Variants in GRIP1 observed in about 807,000 individuals in gnomAD.
GRIP1 encodes the protein glutamate receptor-interacting protein 1.
In GRIP1, 45 loss-of-function variants were observed where a neutral mutation model predicts 129.9. The ratio of observed to expected loss-of-function variants is 0.35; its 90% CI spans 0.27 to 0.44. The LOEUF (loss-of-function observed/expected upper bound fraction) is 0.44. GRIP1 is among the 20% of genes least tolerant of loss of function. The pLI is 1.00. For missense variants in GRIP1, 1,196 were observed against 1,396.8 expected, an observed-to-expected ratio of 0.86 and a Z score of 2.29; for synonymous variants, 530 against 520.8, an observed-to-expected ratio of 1.02 and a Z score of -0.24.
upstream of GRIP1, chr12:66,679,242 C>A (rs1355710047): frequency 1.2e-5 from 9 of 781,234 alleles, no homozygotes; most frequent in Non-Finnish European, 1.8e-6. Context: ...ATAAATCTAA[C>A]GCTAAGCACT....
At chr12:66,977,199 AC>A (rs1355746077) in intron 1 of GRIP1, among the ~76,000 whole-genome samples, 5 of 145,370 alleles carry the variant, frequency 3.4e-5, no homozygotes, top group African/African-American at 5.4e-5. Context: ...ATTAGGTCAA[AC>A]TTTTTTTTTT....
intron 1 of GRIP1, among the ~76,000 whole-genome samples, chr12:66,831,106 G>A (rs1054510841): frequency 7.9e-5 from 12 of 151,848 alleles, no homozygotes; most frequent in South Asian, 2.1e-4. Context: ...CTCTCGCCTC[G>A]GCCTCCCAAA....
At chr12:66,853,155 G>A (rs993077448) in intron 1 of GRIP1, among the ~76,000 whole-genome samples, 1 of 151,456 alleles carries the variant, frequency 6.6e-6, no homozygotes. Context: ...TAATTCTCAA[G>A]CAGAAGAGGT....
At chr12:66,857,509 C>T (rs1368497007) in intron 1 of GRIP1, among the ~76,000 whole-genome samples, 1 of 150,008 alleles carries the variant, frequency 6.7e-6, no homozygotes, top group Non-Finnish European at 1.5e-5. Flanking sequence ...AAGCAGCTAT[C>T]TCTAGGGTGG....
At chr12:66,917,903 G>A (rs913253714) in intron 1 of GRIP1, among the ~76,000 whole-genome samples, 6 of 151,762 alleles carry the variant, frequency 4.0e-5, no homozygotes, top group Non-Finnish European at 8.8e-5. Flanking sequence ...GAGTCCTAGT[G>A]TATCAGAGTT....
chr12:66,812,982 G>A (rs1346384273), intron 1 of GRIP1, among the ~76,000 whole-genome samples: 1 of 152,166 alleles, frequency 6.6e-6, no homozygotes, highest in Non-Finnish European at 1.5e-5. Flanking sequence ...AGATAGAACA[G>A]TGCATATGAG....
At chr12:67,030,565 C>T (rs530660136) in intron 1 of GRIP1, among the ~76,000 whole-genome samples, 18 of 152,116 alleles carry the variant, frequency 1.2e-4, no homozygotes, top group Non-Finnish European at 2.6e-4. Context: ...TCATAAAAAT[C>T]TGTTCCACTA....
intron 1 of GRIP1, among the ~76,000 whole-genome samples, chr12:66,781,495 C>A (rs1267733308): frequency 1.3e-5 from 2 of 152,032 alleles, no homozygotes; most frequent in Admixed American, 1.3e-4. Context: ...AGTTCATATA[C>A]CAAAAAAATT....
chr12:66,473,383 G>A (rs541988290), intron 7 of GRIP1, among the ~76,000 whole-genome samples: 2 of 152,296 alleles, frequency 1.3e-5, no homozygotes, highest in East Asian at 3.9e-4. Flanking sequence ...TGGGGGAAGG[G>A]GCAGCTATGG....
chr12:66,853,195 T>C (rs2137085653), intron 1 of GRIP1, among the ~76,000 whole-genome samples: 1 of 151,736 alleles, frequency 6.6e-6, no homozygotes, highest in Non-Finnish European at 1.5e-5. Context: ...GAAACGGAGA[T>C]TTTAAATCCC....
chr12:66,612,467 TG>T (rs2064846536), intron 1 of GRIP1, among the ~76,000 whole-genome samples: 9 of 152,028 alleles, frequency 5.9e-5, no homozygotes, highest in African/African-American at 7.2e-5. Flanking sequence ...CAGACAAGCC[TG>T]GGTAACATAG....
Position 66,963,480 on chromosome 12 carries a change from A to G in GRIP1, c.58+105570T>C, listed in dbSNP as rs536171786. On this transcript the variant is annotated intron_variant, in intron 1 of 1. Transcript: ENST00000643019. ...GATTATAATTGGACCCATCTTAGAG[A>G]TGAAGAAAAAGAAGGAATAAGGAGG... is the stretch of plus-strand genomic sequence containing the variant. Among the ~76,000 whole-genome samples, 68 of 152,264 alleles carry G rather than the reference A, an allele frequency of 4.5e-4. 1 individual carries two copies. The South Asian group carries it at 0.014, about 31-fold the overall frequency.
In GRIP1 at chr12:66,482,267, T is replaced by C. The variant is rs187199974; in HGVS notation, c.725-16845A>G. On this transcript the variant is annotated intron_variant, in intron 7 of 24. Transcript: ENST00000359742. ...ACTACAACAATAACTGTCAAGGGAA[T>C]GGCAGTGTCAGTGAGACTTCTAGGC... Among the ~76,000 whole-genome samples the C allele has an allele frequency of 5.3e-5, 8 of 152,262 alleles. No homozygotes were observed. The East Asian group carries it at 1.5e-3, about 29-fold the overall frequency.
At chr12:66,882,006 T>G (rs181461273) in intron 1 of GRIP1, among the ~76,000 whole-genome samples, 3 of 152,132 alleles carry the variant, frequency 2.0e-5, no homozygotes, top group African/African-American at 7.2e-5. Context: ...ATTTCACTTT[T>G]TCCTATCCCC....
intron 1 of GRIP1, among the ~76,000 whole-genome samples, chr12:66,743,915 T>C (rs1388353999): frequency 5.3e-5 from 8 of 152,206 alleles, no homozygotes; most frequent in African/African-American, 1.7e-4. Flanking sequence ...GTAGCTTCTC[T>C]ACCTTCCACT....
At chr12:66,525,562 A>G (rs1592485993) in intron 5 of GRIP1, among the ~76,000 whole-genome samples, 2 of 151,686 alleles carry the variant, frequency 1.3e-5, no homozygotes, top group African/African-American at 4.8e-5. Flanking sequence ...TGACAAACCC[A>G]CAGCCAATAT....
chr12:67,002,609 T>A (rs1208297174), intron 1 of GRIP1, among the ~76,000 whole-genome samples: 1 of 152,212 alleles, frequency 6.6e-6, no homozygotes, highest in African/African-American at 2.4e-5. Context: ...TTCCCTTTCT[T>A]ACAACAGCCA....
At position 66,531,250 on chromosome 12, in the gene GRIP1, AAAATATATATATATATATATATATAT is replaced by A. The variant is rs1385646881; in HGVS notation, c.419-1362_419-1337del. ...GACTCTGTCTCAAAAAAAAAAAAAA[AAAATATATATATATATATATATATAT>A]ATATATATATATATATATATATATA... On this transcript the variant is annotated intron_variant, in intron 4 of 24. Transcript: ENST00000359742. 5.2e-3 allele frequency among the ~76,000 whole-genome samples: 183 copies of A among 35,118 alleles called. 11 individuals carry two copies. The highest frequency in any genetic ancestry group is 0.017 in the South Asian group (19 of 1,118). The allele number at this position is 35,118 out of a possible 152,430, so 23.0% of individuals were successfully genotyped here. A position where few individuals can be genotyped will look rare whatever the true frequency, so the allele number is the denominator to read the frequency against.
At chr12:66,958,274 G>T (rs963389974) in intron 1 of GRIP1, among the ~76,000 whole-genome samples, 2 of 152,100 alleles carry the variant, frequency 1.3e-5, no homozygotes, top group Non-Finnish European at 2.9e-5. Flanking sequence ...TGAGTAGCTA[G>T]GAGTACAGGC....
Sources: gnomAD v4.1 joint callset for allele counts (sites outside exome capture counted in the v4.1 genomes callset) on GRCh38, gnomAD v4.1.1 for gene constraint, MANE v1.5 for transcripts, NCBI Gene and HGNC (gene_info 2026-07-23, HGNC 2026-07-21) for gene names.